The following ST6GAL1 variants were observed in gnomAD, a reference collection of about 807,000 sequenced individuals.
ST6GAL1 encodes the protein beta-galactoside alpha-2,6-sialyltransferase 1.
Under a neutral mutation model 38.0 loss-of-function variants are expected in ST6GAL1, and 20 were observed. The ratio of observed to expected loss-of-function variants is 0.53; its 90% CI spans 0.37 to 0.77. The LOEUF (loss-of-function observed/expected upper bound fraction) is 0.77, where lower values mean the gene tolerates loss of function less well. ST6GAL1 is among the 30% of genes least tolerant of loss of function. The pLI is 0.00. For missense variants in ST6GAL1, 432 were observed against 496.4 expected, an observed-to-expected ratio of 0.87 and a Z score of 1.23; for synonymous variants, 196 against 188.2, an observed-to-expected ratio of 1.04 and a Z score of -0.34.
At position 187,076,495 on chromosome 3, in the gene ST6GAL1, TGA is replaced by T. The variant is rs1410507861; in HGVS notation, c.*698_*699del. ...CTATCCTCAAGTTGCTACGGTTCAG[TGA>T]GAGAGGCAGACATCTGAACAGGCAG... On this transcript the variant is annotated 3_prime_UTR_variant, in exon 8 of 8. Transcript: ENST00000169298. 1.3e-5 allele frequency: 3 copies of T among 225,298 alleles called. No homozygotes were observed. The highest frequency in any genetic ancestry group is 9.2e-5 in the East Asian group (1 of 10,824). 14.0% of individuals were successfully genotyped at this position (225,298 alleles called of 1,614,324 possible). A position where few individuals can be genotyped will look rare whatever the true frequency, so the allele number is the denominator to read the frequency against.
rs1327317253 is a variant in ST6GAL1, at chr3:186,963,800, G to C, written c.-309G>C. ...CCCTCTGCAGGCAAGGGGAGAGCCA[G>C]TTGCGCAGAGCCCTGCAACCAGCAG... On this transcript the variant is annotated 5_prime_UTR_variant, in exon 2 of 8. Coordinates refer to ENST00000169298, the MANE Select transcript of ST6GAL1 (RefSeq NM_173216.2). The C allele has an allele frequency of 1.3e-5, 2 of 152,230 alleles. No individual in the cohort carries two copies. The highest frequency in any genetic ancestry group is 4.8e-5 in the African/African-American group (2 of 41,456). The allele number at this position is 152,230 out of a possible 1,614,324, so 9.4% of individuals were successfully genotyped here.
intron 2 of ST6GAL1, among the ~76,000 whole-genome samples, chr3:186,965,704 C>T (rs745329241): frequency 6.6e-4 from 100 of 152,218 alleles, no homozygotes; most frequent in Middle Eastern, 3.4e-3. Flanking sequence ...CTCAGGAGGC[C>T]GCCTCCTCAC....
At chr3:187,012,257 A>G (rs142902587) in intron 2 of ST6GAL1, among the ~76,000 whole-genome samples, 1 of 144,008 alleles carries the variant, frequency 6.9e-6, no homozygotes, top group Non-Finnish European at 1.5e-5. Context: ...ATTTTTTTTC[A>G]TTTTTTTTTT....
intron 5 of ST6GAL1, among the ~76,000 whole-genome samples, chr3:187,054,610 G>A (rs781709175): frequency 6.7e-4 from 102 of 152,270 alleles, no homozygotes; most frequent in Admixed American, 1.3e-3. Flanking sequence ...TTACTGATTT[G>A]CATATGTTGA....
intron 2 of ST6GAL1, among the ~76,000 whole-genome samples, chr3:186,984,861 T>G (rs1715850940): frequency 1.5e-5 from 2 of 130,750 alleles, no homozygotes; most frequent in Middle Eastern, 7.3e-3. Context: ...CCTTCCTTCC[T>G]TCCTTCCGTC....
At chr3:187,007,542 A>G (rs1716822756) in intron 2 of ST6GAL1, among the ~76,000 whole-genome samples, 1 of 152,338 alleles carries the variant, frequency 6.6e-6, no homozygotes, top group South Asian at 2.1e-4. Flanking sequence ...ACCTAAGTGG[A>G]TTAATTTCCT....
chr3:186,965,866 C>T (rs1230656434), intron 2 of ST6GAL1, among the ~76,000 whole-genome samples: 1 of 152,146 alleles, frequency 6.6e-6, no homozygotes, highest in Non-Finnish European at 1.5e-5. Flanking sequence ...CCATCAGAGG[C>T]CTGGTTTTCT....
intron 1 of ST6GAL1, among the ~76,000 whole-genome samples, chr3:186,941,905 G>A (rs777025513): frequency 3.3e-5 from 5 of 152,018 alleles, no homozygotes; most frequent in Non-Finnish European, 7.4e-5. Context: ...CCAGCTACTC[G>A]GGAGGCGGAG....
chr3:186,970,273 G>A (rs1376724552), intron 2 of ST6GAL1, among the ~76,000 whole-genome samples: 3 of 148,752 alleles, frequency 2.0e-5, no homozygotes, highest in Admixed American at 2.0e-4. Context: ...GGAGTGCAGT[G>A]GCGCGATCTC....
chr3:186,972,814 C>T (rs888414306), intron 2 of ST6GAL1, among the ~76,000 whole-genome samples: 1 of 152,100 alleles, frequency 6.6e-6, no homozygotes, highest in Non-Finnish European at 1.5e-5. Flanking sequence ...TTGGTGTCTC[C>T]CCTTAGGAGC....
chr3:186,964,530 T>G (rs1055729027), intron 2 of ST6GAL1, among the ~76,000 whole-genome samples: 1 of 152,108 alleles, frequency 6.6e-6, no homozygotes, highest in African/African-American at 2.4e-5. Flanking sequence ...CCAGGTGGTA[T>G]TCTATTAAGG....
At chr3:187,008,042 A>T (rs1300427710) in intron 2 of ST6GAL1, among the ~76,000 whole-genome samples, 1 of 152,202 alleles carries the variant, frequency 6.6e-6, no homozygotes, top group Non-Finnish European at 1.5e-5. Flanking sequence ...CAATGTCAAA[A>T]GGCTGAAACT....
At chr3:186,942,208 C>T (rs1325024547) in intron 1 of ST6GAL1, 2 of 152,166 alleles carry the variant, frequency 1.3e-5, no homozygotes, top group Non-Finnish European at 2.9e-5. Flanking sequence ...TAGTTTTCAC[C>T]TGCTCTGAAA....
intron 2 of ST6GAL1, among the ~76,000 whole-genome samples, chr3:187,036,814 T>A (rs1174582659): frequency 1.3e-5 from 2 of 152,134 alleles, no homozygotes; most frequent in African/African-American, 4.8e-5. Context: ...GCAGGATCAA[T>A]CATACCCCAA....
In ST6GAL1 at chr3:186,994,678, CG is replaced by C. The variant is rs34602629; in HGVS notation, c.-183+30756del. On this transcript the variant is annotated intron_variant, in intron 2 of 7. Transcript: ENST00000169298. ...AGATAGAGACCCTTTAAAAATAGGC[CG>C]GGGCGCAGTGACTCACACCTGTAAT... Among the ~76,000 whole-genome samples the C allele has an allele frequency of 8.8e-3, 1,340 of 152,002 alleles. 32 individuals are homozygous for C. The highest frequency in any genetic ancestry group is 0.073 in the East Asian group (380 of 5,174).
At chr3:187,015,326 T>G (rs1333151252) in intron 2 of ST6GAL1, among the ~76,000 whole-genome samples, 1 of 152,242 alleles carries the variant, frequency 6.6e-6, no homozygotes. Context: ...ATGTTGATTC[T>G]GTAAATACCA....
intron 2 of ST6GAL1, among the ~76,000 whole-genome samples, chr3:187,033,844 C>A (rs1388680896): frequency 6.6e-6 from 1 of 151,836 alleles, no homozygotes; most frequent in East Asian, 1.9e-4. Context: ...TAATATTGCA[C>A]CCAGAGGAAC....
intron 2 of ST6GAL1, among the ~76,000 whole-genome samples, chr3:186,967,061 T>C (rs1296762383): frequency 6.6e-6 from 1 of 152,196 alleles, no homozygotes; most frequent in Non-Finnish European, 1.5e-5. Flanking sequence ...CAAGGCTGTT[T>C]AGTACCTTCT....
At chr3:186,976,472 T>C (rs1284333862) in intron 2 of ST6GAL1, among the ~76,000 whole-genome samples, 1 of 152,126 alleles carries the variant, frequency 6.6e-6, no homozygotes, top group Non-Finnish European at 1.5e-5. Flanking sequence ...CTCTGTTGCC[T>C]AGGCTGGAAT....
Sources: allele counts gnomAD v4.1 joint callset (sites outside exome capture counted in the v4.1 genomes callset), GRCh38; gene constraint gnomAD v4.1.1; transcripts MANE v1.5; gene names NCBI Gene and HGNC (gene_info 2026-07-23, HGNC 2026-07-21).